MPP7: variants seen among roughly 807,000 people sequenced by gnomAD.
MPP7 encodes the protein MAGUK p55 scaffold protein 7.
In MPP7, 60 loss-of-function variants were observed where a neutral mutation model predicts 76.5. That is an observed-to-expected ratio of 0.78 (90% CI 0.64 to 0.97). MPP7 has a LOEUF of 0.97. Ranked by LOEUF, MPP7 falls within the 50% of genes least tolerant of loss-of-function variation. The pLI is 0.00. For missense variants in MPP7, 641 were observed against 694.0 expected (o/e 0.92, Z 0.86); for synonymous variants, 237 against 244.5 (o/e 0.97, Z 0.29).
chr10:28,323,583 G>A (rs1834385917), intron 2 of MPP7, among the ~76,000 whole-genome samples: 1 of 152,116 alleles, frequency 6.6e-6, no homozygotes, highest in South Asian at 2.1e-4. Context: ...AGTGGCTCAA[G>A]CCTGTAATCC....
intron 2 of MPP7, among the ~76,000 whole-genome samples, chr10:28,207,424 C>G (rs1837984221): frequency 6.6e-6 from 1 of 152,092 alleles, no homozygotes; most frequent in African/African-American, 2.4e-5. Context: ...GGGCTGGGCA[C>G]AGTGGCTCAC....
intron 2 of MPP7, among the ~76,000 whole-genome samples, chr10:28,204,895 C>T (rs1837900784): frequency 6.6e-6 from 1 of 152,144 alleles, no homozygotes. Flanking sequence ...AATAAAACCA[C>T]GCTAGTCTTT....
chr10:28,079,562 C>T (rs772710173), intron 12 of MPP7, among the ~76,000 whole-genome samples: 4 of 152,064 alleles, frequency 2.6e-5, no homozygotes, highest in East Asian at 1.9e-4. Flanking sequence ...ATAACATCAG[C>T]GCCTAGAAGC....
At chr10:28,087,750 G>C (rs1342030950) in intron 12 of MPP7, among the ~76,000 whole-genome samples, 3 of 152,106 alleles carry the variant, frequency 2.0e-5, no homozygotes, top group East Asian at 1.9e-4. Flanking sequence ...GAGGCAACAG[G>C]GACAGAAGAG....
At chr10:28,229,472 T>C (rs748902650) in intron 2 of MPP7, among the ~76,000 whole-genome samples, 6 of 152,218 alleles carry the variant, frequency 3.9e-5, no homozygotes, top group Non-Finnish European at 8.8e-5. Context: ...CAGGAAATTC[T>C]AAAGATTTTT....
chr10:28,085,849 G>A (rs1852982609), intron 12 of MPP7, among the ~76,000 whole-genome samples: 1 of 152,032 alleles, frequency 6.6e-6, no homozygotes, highest in African/African-American at 2.4e-5. Context: ...GATTCTGCTG[G>A]GAATTAAAAA....
intron 3 of MPP7, among the ~76,000 whole-genome samples, chr10:28,163,974 AT>A (rs1836356031): frequency 1.3e-5 from 2 of 151,990 alleles, no homozygotes; most frequent in South Asian, 2.1e-4. Context: ...CGATGCTGCC[AT>A]TTACCGAAAC....
chr10:28,150,106 C>T, intron 3 of MPP7, 47 bp from the exon 4 acceptor site: 1 of 1,304,426 alleles, frequency 7.7e-7, no homozygotes, highest in Non-Finnish European at 1.1e-6. Context: ...AGCAAACAAT[C>T]TCAGATAGCT....
At chr10:28,074,506 C>T (rs1399335833) in intron 12 of MPP7, among the ~76,000 whole-genome samples, 5 of 152,108 alleles carry the variant, frequency 3.3e-5, no homozygotes, top group Non-Finnish European at 7.4e-5. Flanking sequence ...CAATGTTGGC[C>T]AGCTGGTCTC....
chr10:28,147,628 A>G (rs1385020973), intron 4 of MPP7, 65 bp from the exon 5 acceptor site: 13 of 1,375,740 alleles, frequency 9.4e-6, no homozygotes, highest in African/African-American at 1.4e-5. Flanking sequence ...TGGGTGTGTG[A>G]CAACTGAGAA....
intron 2 of MPP7, among the ~76,000 whole-genome samples, chr10:28,309,837 G>A (rs1564769809): frequency 4.6e-5 from 1 of 21,664 alleles, no homozygotes; most frequent in Non-Finnish European, 9.2e-5. Flanking sequence ...TCCCCTCCCT[G>A]GGGATTGGCT....
intron 13 of MPP7, among the ~76,000 whole-genome samples, chr10:28,062,111 C>T (rs936609345): frequency 6.6e-6 from 1 of 151,854 alleles, no homozygotes; most frequent in African/African-American, 2.4e-5. Context: ...CTACTTTTTT[C>T]CTGTTAAGTT....
Position 28,087,416 on chromosome 10 carries a change from TA to T in MPP7, c.1123+2254del, listed in dbSNP as rs746327041. Among the ~76,000 whole-genome samples, 29 of 152,232 alleles carry T rather than the reference TA, an allele frequency of 1.9e-4. No individual in the cohort carries two copies. In the East Asian group the frequency reaches 2.5e-3, roughly 13 times the overall value. ...TTTTTTCTTTCTTTCTTTTTTTAAT[TA>T]GAGAATCTTGCTCTGTTGCCCCGGC... On this transcript the variant is annotated intron_variant, in intron 12 of 16. Transcript: ENST00000683449.
At chr10:28,244,990 G>A (rs886499462) in intron 1 of MPP7, among the ~76,000 whole-genome samples, 4 of 152,160 alleles carry the variant, frequency 2.6e-5, no homozygotes, top group Non-Finnish European at 5.9e-5. Flanking sequence ...AAAAATGGCA[G>A]CATTTATAGT....
At chr10:28,253,903 G>A (rs1479891717) in intron 1 of MPP7, among the ~76,000 whole-genome samples, 2 of 149,424 alleles carry the variant, frequency 1.3e-5, no homozygotes, top group African/African-American at 4.9e-5. Context: ...GGCTGAGGCA[G>A]GAGAATCACT....
intron 3 of MPP7, among the ~76,000 whole-genome samples, chr10:28,153,810 C>T (rs1182762698): frequency 1.3e-5 from 2 of 152,186 alleles, no homozygotes; most frequent in Non-Finnish European, 2.9e-5. Flanking sequence ...ATCTGCATTA[C>T]ATTACATTAA....
chr10:28,107,977 C>T (rs1393522509), intron 11 of MPP7, among the ~76,000 whole-genome samples: 2 of 152,212 alleles, frequency 1.3e-5, no homozygotes, highest in Admixed American at 1.3e-4. Flanking sequence ...TCATCCAATT[C>T]TTACTTAGTA....
chr10:28,213,705 T>C (rs1838218578), intron 2 of MPP7, among the ~76,000 whole-genome samples: 2 of 151,228 alleles, frequency 1.3e-5, no homozygotes, highest in South Asian at 2.1e-4. Flanking sequence ...GGCAGGAGAA[T>C]TGCTTGAACC....
intron 1 of MPP7, among the ~76,000 whole-genome samples, chr10:28,269,156 C>T (rs897757579): frequency 3.3e-5 from 5 of 152,192 alleles, no homozygotes; most frequent in Non-Finnish European, 5.9e-5. Flanking sequence ...TAAAACCCTG[C>T]TCATCTGATT....
Sources: allele counts gnomAD v4.1 joint callset (sites outside exome capture counted in the v4.1 genomes callset), GRCh38; gene constraint gnomAD v4.1.1; transcripts MANE v1.5; gene names NCBI Gene and HGNC (gene_info 2026-07-23, HGNC 2026-07-21).